RIMS1: variants seen among roughly 807,000 people sequenced by gnomAD.
The protein encoded by RIMS1 is regulating synaptic membrane exocytosis protein 1.
A neutral mutation model predicts 214.1 loss-of-function variants in RIMS1; 83 were observed. The observed-to-expected ratio is 0.39, with a 90% confidence interval of 0.32 to 0.47. The LOEUF (loss-of-function observed/expected upper bound fraction) is 0.47, where lower values mean the gene tolerates loss of function less well. RIMS1 is among the 20% of genes least tolerant of loss of function. RIMS1 has a pLI of 0.99. For synonymous variants in RIMS1, 793 were observed against 786.8 expected (o/e 1.01, Z -0.13); for missense variants, 2,050 against 2,161.8 (o/e 0.95, Z 1.03).
rs3047577 is a variant in RIMS1 at position 72,196,377 on chromosome 6, GTCTATCTATCTATCTA to G, written c.1678+13257_1678+13272del. 1.2e-3 allele frequency among the ~76,000 whole-genome samples: 173 copies of G among 144,086 alleles called. 2 individuals are homozygous for G. The highest frequency in any genetic ancestry group is 1.5e-3 in the Non-Finnish European group (102 of 66,478). The allele number at this position is 144,086 out of a possible 152,430, so 94.5% of individuals were successfully genotyped here. On this transcript the variant is annotated intron_variant, in intron 6 of 33. Transcript: ENST00000521978. ...TGTCTGTCTGTCTGTCTGTCTGTCTGTCTATCTATCTATCTATCTATCTATCTATCTATCTATCTAT... is the reference window on the plus strand; with the variant it reads ...TGTCTGTCTGTCTGTCTGTCTGTCTGTCTATCTATCTATCTATCTATCTAT...
chr6:72,149,565 T>A (rs577641522), intron 4 of RIMS1, among the ~76,000 whole-genome samples: 7 of 152,286 alleles, frequency 4.6e-5, no homozygotes, highest in Middle Eastern at 3.4e-3. Flanking sequence ...CCCCACATCC[T>A]GTCCTCTGTA....
chr6:72,012,915 A>G (rs1408773916), intron 2 of RIMS1, among the ~76,000 whole-genome samples: 1 of 152,220 alleles, frequency 6.6e-6, no homozygotes, highest in African/African-American at 2.4e-5. Flanking sequence ...GAAAGCATGC[A>G]TTCTAGGGTT....
intron 1 of RIMS1, among the ~76,000 whole-genome samples, chr6:71,908,179 A>AT (rs1167944833): frequency 6.6e-6 from 1 of 152,206 alleles, no homozygotes; most frequent in Non-Finnish European, 1.5e-5. Flanking sequence ...TTAGGGAAGA[A>AT]TTGATGGCTA....
intron 31 of RIMS1, among the ~76,000 whole-genome samples, 190 bp downstream of exon 31, chr6:72,393,000 T>TA (rs2098724077): frequency 6.7e-6 from 1 of 149,742 alleles, no homozygotes; most frequent in Non-Finnish European, 1.5e-5. Flanking sequence ...AAAAAAGAAG[T>TA]AAAATTAGCT....
chr6:72,258,235 G>T lies in RIMS1; in HGVS notation c.2881G>T (p.Asp961Tyr). Residue 961 changes from aspartate to tyrosine, a missense_variant, in exon 17 of 34, where the codon GAT becomes TAT. By Grantham distance (160) the Asp-to-Tyr change is radical. Transcript: ENST00000521978. ...SRSVSPHRGN[D>Y]QGKPRSRLPN... is the part of the protein sequence containing the mutation. ...TTCAGTATCTCCTCATCGCGGCAATGATCAGGGAAAGCCGCGTTCACGTTT... is the reference window on the plus strand; with the variant it reads ...TTCAGTATCTCCTCATCGCGGCAATTATCAGGGAAAGCCGCGTTCACGTTT... 1 of 1,613,448 alleles carries T rather than the reference G, an allele frequency of 6.2e-7. No homozygotes were observed. Among genetic ancestry groups the T allele is most frequent in the Non-Finnish European group, 8.5e-7 (1 of 1,179,582 alleles).
chr6:72,251,873 G>C (rs2073523691), intron 15 of RIMS1, among the ~76,000 whole-genome samples: 2 of 152,040 alleles, frequency 1.3e-5, no homozygotes, highest in African/African-American at 4.8e-5. Flanking sequence ...ACCATGCCTG[G>C]CTAATTTATT....
intron 2 of RIMS1, among the ~76,000 whole-genome samples, chr6:72,088,700 T>C (rs1198910504): frequency 1.3e-5 from 2 of 152,212 alleles, no homozygotes; most frequent in Non-Finnish European, 2.9e-5. Flanking sequence ...ATAACAGTTA[T>C]TACAAGTTCA....
intron 1 of RIMS1, among the ~76,000 whole-genome samples, chr6:71,897,370 C>G (rs552093524): frequency 1.3e-5 from 2 of 152,110 alleles, no homozygotes; most frequent in Non-Finnish European, 2.9e-5. Context: ...CCATAAAACC[C>G]GCTTGCTTTC....
At chr6:72,284,621 C>G (rs185860675) in intron 24 of RIMS1, among the ~76,000 whole-genome samples, 2 of 152,168 alleles carry the variant, frequency 1.3e-5, no homozygotes, top group Admixed American at 1.3e-4. Context: ...GATTACTAAC[C>G]TTTTGTTTGC....
At chr6:72,395,454 G>A (rs2098762684) in intron 31 of RIMS1, among the ~76,000 whole-genome samples, 1 of 151,982 alleles carries the variant, frequency 6.6e-6, no homozygotes, top group African/African-American at 2.4e-5. Context: ...AAATCTTTAA[G>A]AGCCCAGTAG....
At chr6:72,181,608 A>T (rs569391631) in intron 5 of RIMS1, among the ~76,000 whole-genome samples, 1 of 152,366 alleles carries the variant, frequency 6.6e-6, no homozygotes, top group African/African-American at 2.4e-5. Context: ...AAGAAGATTG[A>T]TAGGGACAAA....
chr6:72,326,625 G>A (rs1026913225), intron 28 of RIMS1, among the ~76,000 whole-genome samples: 2 of 151,594 alleles, frequency 1.3e-5, no homozygotes, highest in Admixed American at 6.6e-5. Context: ...GCATGTCATC[G>A]TTTAATTAGC....
intron 29 of RIMS1, among the ~76,000 whole-genome samples, chr6:72,351,921 G>A (rs182878224): frequency 3.9e-4 from 59 of 152,194 alleles, no homozygotes; most frequent in African/African-American, 1.3e-3. Flanking sequence ...TCAGTGATAT[G>A]CCTCACTTTA....
At chr6:72,109,869 A>G (rs1307079356) in intron 4 of RIMS1, among the ~76,000 whole-genome samples, 4 of 151,856 alleles carry the variant, frequency 2.6e-5, no homozygotes, top group Admixed American at 1.3e-4. Context: ...ATCTTGAATT[A>G]ATTTTTGTAT....
chr6:72,148,889 G>A (rs1261544253), intron 4 of RIMS1, among the ~76,000 whole-genome samples: 3 of 152,024 alleles, frequency 2.0e-5, no homozygotes, highest in Admixed American at 6.5e-5. Context: ...CCTATCATAA[G>A]CAGAGTGCTA....
intron 4 of RIMS1, chr6:72,156,039 C>T (rs913344090): frequency 2.9e-6 from 1 of 343,248 alleles, no homozygotes; most frequent in African/African-American, 2.1e-5. Flanking sequence ...ATTGACATAG[C>T]CACTATGGAA....
At chr6:72,386,370 AAC>A (rs932406234) in intron 29 of RIMS1, among the ~76,000 whole-genome samples, 4 of 152,234 alleles carry the variant, frequency 2.6e-5, no homozygotes, top group Non-Finnish European at 5.9e-5. Context: ...GACTGCCAGC[AAC>A]ACACAGAGCC....
chr6:72,066,107 G>A (rs957261720), intron 2 of RIMS1, among the ~76,000 whole-genome samples: 1 of 152,050 alleles, frequency 6.6e-6, no homozygotes, highest in Admixed American at 6.6e-5. Flanking sequence ...CTAAGTATGT[G>A]GACAACCTCC....
intron 2 of RIMS1, among the ~76,000 whole-genome samples, chr6:72,083,964 G>T (rs1253340474): frequency 6.6e-6 from 1 of 152,092 alleles, no homozygotes; most frequent in Non-Finnish European, 1.5e-5. Flanking sequence ...AGTTGGGTTG[G>T]TTTTTTTCCC....
Sources: allele counts gnomAD v4.1 joint callset (sites outside exome capture counted in the v4.1 genomes callset), GRCh38; gene constraint gnomAD v4.1.1; transcripts MANE v1.5; gene names NCBI Gene and HGNC (gene_info 2026-07-23, HGNC 2026-07-21).